HIVEP3: variants seen among roughly 807,000 people sequenced by gnomAD.
HIVEP3 encodes the protein transcription factor HIVEP3.
In HIVEP3, 49 loss-of-function variants were observed where a neutral mutation model predicts 152.8. That is an observed-to-expected ratio of 0.32 (90% CI 0.26 to 0.41). The LOEUF is 0.41. HIVEP3 is among the 10% of genes least tolerant of loss of function. The probability of loss-of-function intolerance (pLI) is 1.00; values close to 1 mark genes in which losing one functional copy is unlikely to be tolerated. For missense variants in HIVEP3, 2,790 were observed against 3,103.3 expected (o/e 0.90, Z 2.40); for synonymous variants, 1,269 against 1,289.0 (o/e 0.98, Z 0.33).
chr1:41,997,786 G>A (rs1028039071), intron 1 of HIVEP3, among the ~76,000 whole-genome samples: 2 of 152,320 alleles, frequency 1.3e-5, no homozygotes, highest in African/African-American at 4.8e-5. Context: ...AGTTTCCCAT[G>A]CTGTTTGAAT....
chr1:41,584,201 C>A lies in HIVEP3; in HGVS notation c.597G>T (p.Arg199=). ...GGAGCACGCTGGGCTTGGCACAGGGCCGGCTGCAGTACTGGCAGATGTACT... is the reference window on the plus strand; with the variant it reads ...GGAGCACGCTGGGCTTGGCACAGGGACGGCTGCAGTACTGGCAGATGTACT... ...PGKYICQYCS[R]PCAKPSVLQK... Residue 199 remains arginine (R), a synonymous_variant, in exon 4 of 9, where the codon CGG becomes CGT. Coordinates refer to ENST00000372583, the MANE Select transcript of HIVEP3 (RefSeq NM_024503.5). This position sits in a 1 kb window ranked among gnomAD's most constrained non-coding sequence, Gnocchi z 5.2. The A allele has an allele frequency of 6.2e-7, 1 of 1,614,150 alleles. No homozygotes were observed. Among genetic ancestry groups the A allele is most frequent in the Non-Finnish European group, 8.5e-7 (1 of 1,180,020 alleles).
intron 1 of HIVEP3, among the ~76,000 whole-genome samples, chr1:41,856,087 T>C (rs775302578): frequency 1.4e-4 from 22 of 152,172 alleles, no homozygotes; most frequent in Non-Finnish European, 2.6e-4. Context: ...TACCAGAGCA[T>C]GGGAATGTGA....
intron 2 of HIVEP3, among the ~76,000 whole-genome samples, chr1:41,687,400 C>A (rs1474416160): frequency 2.0e-5 from 3 of 152,248 alleles, no homozygotes; most frequent in Admixed American, 2.0e-4. Context: ...GCAACTCCAG[C>A]CTATGTGCCT....
intron 3 of HIVEP3, among the ~76,000 whole-genome samples, chr1:41,604,794 C>G (rs900632420): frequency 1.1e-4 from 16 of 152,010 alleles, no homozygotes; most frequent in Non-Finnish European, 2.1e-4. Context: ...GGCGAAAAAC[C>G]AATCTTATGG....
At chr1:42,019,539 A>G (rs1645542174) in intron 1 of HIVEP3, among the ~76,000 whole-genome samples, 2 of 141,426 alleles carry the variant, frequency 1.4e-5, no homozygotes, top group Admixed American at 7.1e-5. Context: ...TTCTATTTTT[A>G]TTGCTAGTAT....
At chr1:41,711,213 A>T (rs1646508568) in intron 1 of HIVEP3, among the ~76,000 whole-genome samples, 1 of 152,178 alleles carries the variant, frequency 6.6e-6, no homozygotes, top group Non-Finnish European at 1.5e-5. Context: ...TCTCCTTCAG[A>T]GAGGGGTGAG....
At chr1:41,823,846 G>T (rs1019493948) in intron 1 of HIVEP3, among the ~76,000 whole-genome samples, 1 of 152,192 alleles carries the variant, frequency 6.6e-6, no homozygotes, top group Non-Finnish European at 1.5e-5. Flanking sequence ...GATCATTCCA[G>T]GAGGGCACTA....
chr1:41,635,461 T>C (rs1416225476), intron 2 of HIVEP3, among the ~76,000 whole-genome samples: 1 of 132,900 alleles, frequency 7.5e-6, no homozygotes, highest in Non-Finnish European at 1.6e-5. Context: ...AGTGAGAAAA[T>C]GACAGCAACC....
intron 5 of HIVEP3, among the ~76,000 whole-genome samples, chr1:41,554,297 A>C (rs1467606810): frequency 6.6e-6 from 1 of 152,112 alleles, no homozygotes; most frequent in African/African-American, 2.4e-5. Context: ...AAGCTTGTGC[A>C]TGCGTCACGT....
chr1:41,917,994 C>T (rs1238357430), intron 1 of HIVEP3, among the ~76,000 whole-genome samples: 1 of 152,172 alleles, frequency 6.6e-6, no homozygotes, highest in Non-Finnish European at 1.5e-5. Flanking sequence ...AACGCGATGC[C>T]TAAGCCCCCC....
In HIVEP3 at chr1:41,694,425, G is replaced by T. The variant is rs1229408349; in HGVS notation, c.-721+6491C>A. ...CATTTCCTACCACACCTGGCAGGTT[G>T]TCGGGGCTCTGGAGATATTTGCCGG... On this transcript the variant is annotated intron_variant, in intron 2 of 8. Coordinates refer to ENST00000372583, the MANE Select transcript of HIVEP3 (RefSeq NM_024503.5). Among the ~76,000 whole-genome samples the T allele has an allele frequency of 2.0e-5, 3 of 152,190 alleles. No individual in the cohort carries two copies. The East Asian group carries it at 5.8e-4, about 29-fold the overall frequency.
chr1:41,705,351 GAGA>G (rs1261307090), intron 1 of HIVEP3, among the ~76,000 whole-genome samples: 1 of 152,220 alleles, frequency 6.6e-6, no homozygotes, highest in African/African-American at 2.4e-5. Context: ...CCATCCAGCA[GAGA>G]AGGACAGCTG....
intron 1 of HIVEP3, among the ~76,000 whole-genome samples, chr1:41,830,759 A>T (rs349419): frequency 0.99 from 151,482 of 152,274 alleles, 75,353 homozygotes; most frequent in Middle Eastern, 1. Flanking sequence ...TGTCCCTCCC[A>T]CCCCAGTGAA....
chr1:41,970,685 C>T (rs1302782089), intron 1 of HIVEP3, among the ~76,000 whole-genome samples: 3 of 152,006 alleles, frequency 2.0e-5, no homozygotes, highest in Non-Finnish European at 4.4e-5. Context: ...CAGTACCCCG[C>T]AATTTAAAAT....
chr1:41,630,962 G>C (rs559247544), intron 2 of HIVEP3, among the ~76,000 whole-genome samples: 76 of 152,310 alleles, frequency 5.0e-4, no homozygotes, highest in African/African-American at 1.7e-3. Context: ...AACAGGCCAA[G>C]AGAGGCCTGT....
intron 3 of HIVEP3, among the ~76,000 whole-genome samples, chr1:41,617,817 G>A (rs928363018): frequency 4.6e-5 from 7 of 152,226 alleles, no homozygotes; most frequent in Non-Finnish European, 8.8e-5. Context: ...ATAAGAAACT[G>A]GAGTTCACTC....
intron 1 of HIVEP3, among the ~76,000 whole-genome samples, chr1:41,819,089 G>A (rs1041442784): frequency 3.3e-5 from 5 of 152,228 alleles, no homozygotes; most frequent in Admixed American, 6.5e-5. Context: ...TTGTAGAATC[G>A]TTGTTAAAAT....
intron 1 of HIVEP3, among the ~76,000 whole-genome samples, chr1:41,843,158 T>C (rs895476367): frequency 6.6e-6 from 1 of 152,002 alleles, no homozygotes; most frequent in Admixed American, 6.6e-5. Context: ...ACACAGCAAA[T>C]CCCCACATTT....
At chr1:41,553,242 C>T (rs1252447257) in intron 5 of HIVEP3, among the ~76,000 whole-genome samples, 1 of 152,178 alleles carries the variant, frequency 6.6e-6, no homozygotes, top group Non-Finnish European at 1.5e-5. Context: ...GATCCCTTTA[C>T]CATTATGTAA....
Sources: gnomAD v4.1 joint callset for allele counts (sites outside exome capture counted in the v4.1 genomes callset) on GRCh38, gnomAD v4.1.1 for gene constraint, Gnocchi (gnomAD v3.1) non-coding constraint, MANE v1.5 for transcripts, NCBI Gene and HGNC (gene_info 2026-07-23, HGNC 2026-07-21) for gene names.